The following ADAMTS1 variants were observed in gnomAD, a reference collection of about 807,000 sequenced individuals.
ADAMTS1 encodes the protein ADAM metallopeptidase with thrombospondin type 1 motif 1.
ADAMTS1 carries 19 observed loss-of-function variants against 87.9 expected under a neutral mutation model. That is an observed-to-expected ratio of 0.22 (90% CI 0.15 to 0.32). The LOEUF is 0.32. Ranked by LOEUF, ADAMTS1 falls within the 10% of genes least tolerant of loss-of-function variation. The probability of loss-of-function intolerance (pLI) is 1.00; values close to 1 mark genes in which losing one functional copy is unlikely to be tolerated. For synonymous variants in ADAMTS1, 542 were observed against 501.8 expected (o/e 1.08, Z -1.07); for missense variants, 1,240 against 1,259.1 (o/e 0.98, Z 0.23).
chr21:26,844,213 C>A lies in ADAMTS1; in HGVS notation c.730+12G>T. On this transcript the variant is annotated intron_variant, in intron 1 of 8. Coordinates refer to ENST00000284984, the MANE Select transcript of ADAMTS1 (RefSeq NM_006988.5). The stretch of plus-strand genomic sequence containing the variant: ...GGATGAATGGACAGACAAACGAGAG[C>A]AATTCTTCTACCTGTGGGCTGTCCT... 1 of 1,529,506 alleles carries A rather than the reference C, an allele frequency of 6.5e-7. No homozygotes were observed. 94.7% of individuals were successfully genotyped at this position (1,529,506 alleles called of 1,614,324 possible).
chr21:26,839,222 T>C (rs567253480), intron 7 of ADAMTS1: 26 of 172,030 alleles, frequency 1.5e-4, no homozygotes, highest in Admixed American at 3.5e-4. Context: ...TTTTGGACCA[T>C]GCATAGACTA....
rs1184048709 is a variant in ADAMTS1, at chr21:26,844,333, T to G, written c.622A>C (p.Thr208Pro). 6.2e-7 allele frequency: 1 copy of G among 1,607,262 alleles called. No homozygotes were observed. Among genetic ancestry groups the G allele is most frequent in the Admixed American group, 1.7e-5 (1 of 59,688 alleles). Reference sequence around the variant, plus strand: ...TCGTCTTCGGTCTCCGCTTTCCCAGTCGGCCGGGGCTCGTCGTCCACGACC... The same window carrying G: ...TCGTCTTCGGTCTCCGCTTTCCCAGGCGGCCGGGGCTCGTCGTCCACGACC... ...CGVVDDEPRPTGKAETEDEDE... is the reference protein window; with the variant it reads ...CGVVDDEPRPPGKAETEDEDE... The change falls in exon 1 of 9, where the codon ACT becomes CCT. Residue 208 changes from threonine (T) to proline (P), a missense_variant. This residue lies in a region of ADAMTS1 where 521 missense variants were observed against 449.7 expected (regional missense o/e 1.16). Transcript: ENST00000284984.
In ADAMTS1 at chr21:26,837,891, G is replaced by A. The variant is rs147097044; in HGVS notation, c.2592C>T (p.Gly864=). The A allele has an allele frequency of 1.7e-5, 28 of 1,614,000 alleles. 1 individual carries two copies. The highest frequency in any genetic ancestry group is 1.3e-4 in the South Asian group (12 of 91,082). The change falls in exon 9 of 9, where the codon GGC becomes GGT. Residue 864 remains glycine (G), a synonymous_variant. Coordinates refer to ENST00000284984, the MANE Select transcript of ADAMTS1 (RefSeq NM_006988.5). The part of the protein sequence containing the change: ...TFSAWVIEEW[G]ECSKSCELGW... ...CCAATTCACATGACTTAGAACATTC[G>A]CCCCACTCTTCAATGACCCATGCTG... is the stretch of plus-strand genomic sequence containing the variant.
Position 26,844,629 on chromosome 21 carries a change from G to T in ADAMTS1, c.326C>A (p.Ser109Tyr). 1.2e-6 allele frequency: 2 copies of T among 1,607,712 alleles called. No homozygotes were observed. Among genetic ancestry groups the T allele is most frequent in the Non-Finnish European group, 1.7e-6 (2 of 1,177,340 alleles). Residue 109 changes from serine (S) to tyrosine (Y), a missense_variant, in exon 1 of 9, where the codon TCC (serine) becomes TAC (tyrosine). Ser to Tyr is a moderately radical substitution (Grantham distance 144, BLOSUM62 -2). Around this residue, in one of 3 missense-constraint regions of ADAMTS1, gnomAD observed 521 missense variants for 449.7 expected, o/e 1.16. Coordinates refer to ENST00000284984, the MANE Select transcript of ADAMTS1 (RefSeq NM_006988.5). Reference sequence around the variant, plus strand: ...TTCCGGAAGCGGCGTCTCGGACCCGGATTTGCGCCCCACGTTCTGGAGCGT... The same window carrying T: ...TTCCGGAAGCGGCGTCTCGGACCCGTATTTGCGCCCCACGTTCTGGAGCGT... ...GFTLQNVGRK[S>Y]GSETPLPETD...
At chr21:26,844,123 A>T in intron 1 of ADAMTS1, 102 bp downstream of exon 1, 2 of 1,413,696 alleles carry the variant, frequency 1.4e-6, no homozygotes, top group Non-Finnish European at 1.9e-6. Context: ...CCGCGGACTT[A>T]TGATCCTGCC....
chr21:26,844,410 T>C lies in ADAMTS1; in HGVS notation c.545A>G (p.Gln182Arg), dbSNP rs1408057492. Residue 182 changes from glutamine (Q) to arginine (R), a missense_variant, in exon 1 of 9, where the codon CAG (glutamine) becomes CGG (arginine). By Grantham distance (43) the Gln-to-Arg change is conservative. Transcript: ENST00000284984. The part of the protein sequence containing the change: ...APGEKPPAPL[Q>R]FHLLRRNRQG... Reference sequence around the variant, plus strand: ...CCGATTCCGCCGCAGGAGGTGGAACTGTAGTGGTGCCGGCGGCTTCTCCCC... The same window carrying C: ...CCGATTCCGCCGCAGGAGGTGGAACCGTAGTGGTGCCGGCGGCTTCTCCCC... The C allele has an allele frequency of 6.3e-7, 1 of 1,593,232 alleles. No individual in the cohort carries two copies. The highest frequency in any genetic ancestry group is 1.3e-5 in the African/African-American group (1 of 74,554).
Position 26,844,740 on chromosome 21 carries a change from C to T in ADAMTS1, c.215G>A (p.Gly72Glu), listed in dbSNP as rs61750213. ...GGCGTGCAGGCGGAGGCGCGTGGTC[C>T]CGTGTCCCGGGGCGCGCTCCAGCTC... is the stretch of plus-strand genomic sequence containing the variant. ...VPELERAPGH[G>E]TTRLRLHAFD... The change falls in exon 1 of 9, where the codon GGG becomes GAG. Residue 72 changes from glycine (G) to glutamate (E), a missense_variant. By Grantham distance (98) the Gly-to-Glu change is moderately conservative (BLOSUM62 -2). Around this residue, in one of 3 missense-constraint regions of ADAMTS1, gnomAD observed 521 missense variants for 449.7 expected, o/e 1.16. Transcript: ENST00000284984. The T allele has an allele frequency of 0.013, 20,080 of 1,568,230 alleles. 165 individuals carry two copies. The highest frequency in any genetic ancestry group is 0.016 in the Non-Finnish European group (17,915 of 1,154,314).
At position 26,837,209 on chromosome 21, in the gene ADAMTS1, T is replaced by C. The variant is rs912921537; in HGVS notation, c.*370A>G. 6.6e-5 allele frequency: 12 copies of C among 182,716 alleles called. No homozygotes were observed. The highest frequency in any genetic ancestry group is 3.7e-4 in the Admixed American group (7 of 18,808). 11.3% of individuals were successfully genotyped at this position (182,716 alleles called of 1,614,324 possible). A position where few individuals can be genotyped will look rare whatever the true frequency, so the allele number is the denominator to read the frequency against. On this transcript the variant is annotated 3_prime_UTR_variant, in exon 9 of 9. Coordinates refer to ENST00000284984, the MANE Select transcript of ADAMTS1 (RefSeq NM_006988.5). ...ACTTTTCATTTCCCAACCCCCATGATACTAAGTATTTGATAAGTACCAGGA... is the reference window on the plus strand; with the variant it reads ...ACTTTTCATTTCCCAACCCCCATGACACTAAGTATTTGATAAGTACCAGGA...
At position 26,835,910 on chromosome 21, in the gene ADAMTS1, C is replaced by T. The variant is rs1985355057; in HGVS notation, c.*1669G>A. On this transcript the variant is annotated 3_prime_UTR_variant, in exon 9 of 9. Transcript: ENST00000284984. The stretch of plus-strand genomic sequence containing the variant: ...ATTCTTTATGGCTAGTTTTGTGCTA[C>T]AACAGCACAGTTGAGCAGTTGTGAC... 6.6e-6 allele frequency: 1 copy of T among 152,176 alleles called. No homozygotes were observed. Among genetic ancestry groups the T allele is most frequent in the East Asian group, 1.9e-4 (1 of 5,194 alleles). 9.4% of individuals were successfully genotyped at this position (152,176 alleles called of 1,614,324 possible).
chr21:26,842,934 TC>T, intron 1 of ADAMTS1: 1 of 512,126 alleles, frequency 2.0e-6, no homozygotes, highest in Non-Finnish European at 3.5e-6. Flanking sequence ...CAGGATTTCT[TC>T]TGTTCTCTTT....
At chr21:26,838,797 C>A in intron 7 of ADAMTS1, 183 bp from the exon 8 acceptor site, 1 of 531,944 alleles carries the variant, frequency 1.9e-6, no homozygotes. Flanking sequence ...TACGTATAGA[C>A]ATCTGAAGAA....
At position 26,841,107 on chromosome 21, in the gene ADAMTS1, C is replaced by T; in HGVS notation, c.1269G>A (p.Val423=). Reference sequence around the variant, plus strand: ...ACGCCATCATGTGGGAATCCTGGTTCACACCATTAAGGCTGGCACACTGCT... The same window carrying T: ...ACGCCATCATGTGGGAATCCTGGTTTACACCATTAAGGCTGGCACACTGCT... The part of the protein sequence containing the change: ...DAKQCASLNG[V]NQDSHMMASM... Residue 423 remains valine, a synonymous_variant, in exon 4 of 9, where the codon GTG becomes GTA. Coordinates refer to ENST00000284984, the MANE Select transcript of ADAMTS1 (RefSeq NM_006988.5). The T allele has an allele frequency of 6.2e-7, 1 of 1,614,166 alleles. No individual in the cohort carries two copies. Among genetic ancestry groups the T allele is most frequent in the South Asian group, 1.1e-5 (1 of 91,086 alleles).
Position 26,837,494 on chromosome 21 carries a change from C to A in ADAMTS1, c.*85G>T. The A allele has an allele frequency of 8.2e-7, 1 of 1,212,674 alleles. No individual in the cohort carries two copies. The highest frequency in any genetic ancestry group is 1.2e-6 in the Non-Finnish European group (1 of 840,836). 75.1% of individuals were successfully genotyped at this position (1,212,674 alleles called of 1,614,324 possible). On this transcript the variant is annotated 3_prime_UTR_variant, in exon 9 of 9. Coordinates refer to ENST00000284984, the MANE Select transcript of ADAMTS1 (RefSeq NM_006988.5). ...CCTCACTGGTTACTGGCAAGATACG[C>A]TGGATCCCTCCAGCCTTCTTGCTTT... is the stretch of plus-strand genomic sequence containing the variant.
In ADAMTS1 at chr21:26,845,158, G is replaced by T. The variant is rs114112687; in HGVS notation, c.-204C>A. ...GCGCTGCAGTTCTGCCGGCGCGCGG[G>T]AAGTTTTTCTTCCAGCGCAAAGTTG... On this transcript the variant is annotated 5_prime_UTR_variant, in exon 1 of 9. Transcript: ENST00000284984. 2,258 of 670,236 alleles carry T rather than the reference G, an allele frequency of 3.4e-3. 31 individuals are homozygous for T. The highest frequency in any genetic ancestry group is 0.033 in the African/African-American group (1,754 of 53,218). The allele number at this position is 670,236 out of a possible 1,614,324, so 41.5% of individuals were successfully genotyped here.
intron 6 of ADAMTS1, 46 bp downstream of exon 6, chr21:26,839,829 C>A (rs1341497631): frequency 1.2e-6 from 2 of 1,605,166 alleles, no homozygotes. Flanking sequence ...GTGGGTACAT[C>A]TTTTTTTAAT....
rs375268937 is a variant in ADAMTS1, at chr21:26,838,211, G to T, written c.2272C>A (p.Gln758Lys). ...ATNIEVKQRN[Q>K]RGSRNNGSFL... ...CTGCCATTGTTCCTGGATCCCCTCT[G>T]GTTCCGCTGTTTCACTTCGATGTTG... The change falls in exon 9 of 9, where the codon CAG (glutamine) becomes AAG (lysine). Residue 758 changes from glutamine (Q) to lysine (K), a missense_variant. Gln to Lys is a moderately conservative substitution (Grantham distance 53, BLOSUM62 1). Transcript: ENST00000284984. The T allele has an allele frequency of 1.1e-5, 17 of 1,613,832 alleles. No homozygotes were observed. The highest frequency in any genetic ancestry group is 1.4e-5 in the Non-Finnish European group (17 of 1,179,968).
Position 26,836,060 on chromosome 21 carries a change from T to G in ADAMTS1, c.*1519A>C, listed in dbSNP as rs1379970227. The G allele has an allele frequency of 1.3e-5, 2 of 152,214 alleles. No homozygotes were observed. Among genetic ancestry groups the G allele is most frequent in the Non-Finnish European group, 2.9e-5 (2 of 68,028 alleles). 9.4% of individuals were successfully genotyped at this position (152,214 alleles called of 1,614,324 possible). A position where few individuals can be genotyped will look rare whatever the true frequency, so the allele number is the denominator to read the frequency against. ...TATTATTAGATACATTAGTAACAAA[T>G]GACATCATAAATTTCTTTCTTTTTA... is the stretch of plus-strand genomic sequence containing the variant. On this transcript the variant is annotated 3_prime_UTR_variant, in exon 9 of 9. Coordinates refer to ENST00000284984, the MANE Select transcript of ADAMTS1 (RefSeq NM_006988.5).
At chr21:26,842,308 A>T (rs758836179) in intron 2 of ADAMTS1, 31 bp downstream of exon 2, 25 of 1,595,534 alleles carry the variant, frequency 1.6e-5, no homozygotes, top group Non-Finnish European at 2.1e-5. Context: ...CTAAGAGGAC[A>T]GTCTCACAGC....
At chr21:26,838,940 G>T (rs886898711) in intron 7 of ADAMTS1, 1 of 215,588 alleles carries the variant, frequency 4.6e-6, no homozygotes, top group East Asian at 9.6e-5. Flanking sequence ...TCTGGCAAGA[G>T]TAAGTGCTTC....
Sources: allele counts gnomAD v4.1 joint callset, GRCh38; gene constraint gnomAD v4.1.1; regional missense constraint gnomAD v4.1.1; transcripts MANE v1.5; gene names NCBI Gene and HGNC (gene_info 2026-07-23, HGNC 2026-07-21).